TRPM6: variants seen among roughly 807,000 people sequenced by gnomAD.
The protein encoded by TRPM6 is transient receptor potential cation channel subfamily M member 6.
TRPM6 carries 111 observed loss-of-function variants against 247.6 expected under a neutral mutation model. The ratio of observed to expected loss-of-function variants is 0.45; its 90% CI spans 0.38 to 0.52. TRPM6 has a LOEUF of 0.52. Ranked by LOEUF, TRPM6 falls within the 20% of genes least tolerant of loss-of-function variation. The probability of loss-of-function intolerance (pLI) is 0.00; values close to 1 mark genes in which losing one functional copy is unlikely to be tolerated. For synonymous variants in TRPM6, 892 were observed against 853.8 expected, an observed-to-expected ratio of 1.04 and a Z score of -0.78; for missense variants, 2,126 against 2,421.5, an observed-to-expected ratio of 0.88 and a Z score of 2.56.
intron 20 of TRPM6, 125 bp downstream of exon 20, chr9:74,788,489 G>T: frequency 1.8e-6 from 2 of 1,125,322 alleles, no homozygotes; most frequent in South Asian, 2.5e-5. Context: ...GTCAAGGTCA[G>T]TGTGTCCTGT....
Position 74,815,665 on chromosome 9 carries a change from T to A in TRPM6, c.1308+1004A>T, listed in dbSNP as rs575222775. ...CCCACAAGACAGAAGTGTTGAAAAA[T>A]TTCTGAAACTAAATGAACCAAAATA... On this transcript the variant is annotated intron_variant, in intron 11 of 38. Transcript: ENST00000360774. Among the ~76,000 whole-genome samples the A allele has an allele frequency of 3.3e-5, 5 of 152,228 alleles. No homozygotes were observed. In the East Asian group the frequency reaches 5.8e-4, roughly 18 times the overall value.
At chr9:74,755,326 G>A in intron 28 of TRPM6, 27 bp downstream of exon 28, 2 of 1,613,398 alleles carry the variant, frequency 1.2e-6, no homozygotes, top group Non-Finnish European at 1.7e-6. Context: ...AGGGTTTTTG[G>A]GATCCAAAAT....
chr9:74,810,123 T>C (rs1043564585), intron 13 of TRPM6, among the ~76,000 whole-genome samples: 1 of 152,180 alleles, frequency 6.6e-6, no homozygotes, highest in Non-Finnish European at 1.5e-5. Context: ...AAATGTGCCT[T>C]GGATTTTAAC....
rs546159040 is a variant in TRPM6, at chr9:74,840,580, C to T, written c.331-343G>A. On this transcript the variant is annotated intron_variant, in intron 4 of 38. Transcript: ENST00000360774. Reference sequence around the variant, plus strand: ...CTGTAATTCCAGCACTTCGGGAGGCCGAGGTGGGCGGAACACCTGAGGTCA... The same window carrying T: ...CTGTAATTCCAGCACTTCGGGAGGCTGAGGTGGGCGGAACACCTGAGGTCA... Among the ~76,000 whole-genome samples, 15 of 152,122 alleles carry T rather than the reference C, an allele frequency of 9.9e-5. No individual in the cohort carries two copies. In the South Asian group the frequency reaches 2.3e-3, roughly 23 times the overall value.
chr9:74,725,456 A>T (rs576066644), intron 38 of TRPM6, among the ~76,000 whole-genome samples: 7 of 152,310 alleles, frequency 4.6e-5, no homozygotes, highest in African/African-American at 1.4e-4. Flanking sequence ...TTTATTGAAC[A>T]TGTAAATTGA....
intron 25 of TRPM6, among the ~76,000 whole-genome samples, chr9:74,766,541 G>C (rs978053203): frequency 1.3e-5 from 2 of 152,110 alleles, no homozygotes; most frequent in African/African-American, 4.8e-5. Context: ...TTTTATAAAG[G>C]TTCTACCTGT....
At chr9:74,773,909 C>T (rs1450570199) in intron 24 of TRPM6, among the ~76,000 whole-genome samples, 1 of 152,162 alleles carries the variant, frequency 6.6e-6, no homozygotes, top group Non-Finnish European at 1.5e-5. Context: ...CTCCCACCCC[C>T]TACCCAACTC....
intron 1 of TRPM6, among the ~76,000 whole-genome samples, chr9:74,864,009 AACAACT>A (rs1490445801): frequency 6.6e-6 from 1 of 152,040 alleles, no homozygotes; most frequent in Non-Finnish European, 1.5e-5. Context: ...TCTATCATCT[AACAACT>A]ACTTCTTCAG....
chr9:74,782,950 T>C, intron 21 of TRPM6, 97 bp from the exon 22 acceptor site: 1 of 1,166,334 alleles, frequency 8.6e-7, no homozygotes, highest in Non-Finnish European at 1.3e-6. Flanking sequence ...CTGCAAATAA[T>C]AAGATTGTCT....
chr9:74,886,841 G>A (rs1831546490), intron 1 of TRPM6, among the ~76,000 whole-genome samples: 1 of 152,184 alleles, frequency 6.6e-6, no homozygotes, highest in African/African-American at 2.4e-5. Context: ...AAAATCACAG[G>A]TAGTGATGCA....
chr9:74,883,977 C>T lies in TRPM6; in HGVS notation c.33+3847G>A, dbSNP rs150612810. Among the ~76,000 whole-genome samples the T allele has an allele frequency of 6.6e-3, 999 of 152,186 alleles. 15 individuals carry two copies. The highest frequency in any genetic ancestry group is 0.023 in the African/African-American group (967 of 41,528). On this transcript the variant is annotated intron_variant, in intron 1 of 38. Transcript: ENST00000360774. ...CCATCCTGACCAACATGGAGAAACC[C>T]TGTCTCTACTAAAAGTACAAAATTA...
At chr9:74,880,398 A>G (rs1192999759) in intron 1 of TRPM6, among the ~76,000 whole-genome samples, 1 of 152,228 alleles carries the variant, frequency 6.6e-6, no homozygotes, top group African/African-American at 2.4e-5. Context: ...AGAGCACATT[A>G]TAGTCAAACT....
intron 3 of TRPM6, among the ~76,000 whole-genome samples, chr9:74,844,771 CTGTT>C (rs1439574880): frequency 6.8e-6 from 1 of 147,978 alleles, no homozygotes; most frequent in Non-Finnish European, 1.5e-5. Context: ...ACTTGGCTAA[CTGTT>C]TGGCACAAGA....
intron 21 of TRPM6, 87 bp from the exon 22 acceptor site, chr9:74,782,940 C>A: frequency 8.0e-7 from 1 of 1,254,916 alleles, no homozygotes; most frequent in Non-Finnish European, 1.2e-6. Context: ...ATAACTATAC[C>A]TGCAAATAAT....
chr9:74,757,250 A>G (rs534904756), intron 27 of TRPM6, among the ~76,000 whole-genome samples: 9 of 152,132 alleles, frequency 5.9e-5, no homozygotes, highest in African/African-American at 2.2e-4. Flanking sequence ...AAATAGAACA[A>G]AAGAAATAAT....
At chr9:74,745,296 G>A (rs1826001095) in intron 31 of TRPM6, among the ~76,000 whole-genome samples, 2 of 152,172 alleles carry the variant, frequency 1.3e-5, no homozygotes, top group Admixed American at 1.3e-4. Context: ...GACCACATTG[G>A]TATTTATTCA....
chr9:74,790,971 G>A (rs1042850187), intron 19 of TRPM6, among the ~76,000 whole-genome samples: 50 of 152,296 alleles, frequency 3.3e-4, no homozygotes, highest in African/African-American at 1.2e-3. Context: ...TCTGGACATT[G>A]GCAGTATTGC....
At chr9:74,827,735 G>A in intron 7 of TRPM6, 43 bp downstream of exon 7, 12 of 1,604,416 alleles carry the variant, frequency 7.5e-6, no homozygotes, top group Non-Finnish European at 1.0e-5. Flanking sequence ...GACCTCAGCA[G>A]GCCTGCAACC....
intron 2 of TRPM6, among the ~76,000 whole-genome samples, chr9:74,856,901 C>T (rs1830544466): frequency 6.6e-6 from 1 of 152,132 alleles, no homozygotes; most frequent in Non-Finnish European, 1.5e-5. Context: ...TATCTACAAT[C>T]CCACAATATA....
Sources: allele counts gnomAD v4.1 joint callset (sites outside exome capture counted in the v4.1 genomes callset), GRCh38; gene constraint gnomAD v4.1.1; transcripts MANE v1.5; gene names NCBI Gene and HGNC (gene_info 2026-07-23, HGNC 2026-07-21).